Variants in OSBPL10 observed in about 807,000 individuals in gnomAD.
OSBPL10 encodes oxysterol binding protein like 10.
In OSBPL10, 49 loss-of-function variants were observed where a neutral mutation model predicts 81.7. That is an observed-to-expected ratio of 0.60 (90% confidence interval 0.48 to 0.76). OSBPL10 has a LOEUF of 0.76. Ranked by LOEUF, OSBPL10 falls within the 30% of genes least tolerant of loss-of-function variation. The pLI, the probability that OSBPL10 is intolerant of heterozygous loss-of-function variation, is 0.00. For synonymous variants in OSBPL10, 419 were observed against 383.6 expected, an observed-to-expected ratio of 1.09 and a Z score of -1.08; for missense variants, 923 against 987.8, an observed-to-expected ratio of 0.93 and a Z score of 0.88.
intron 4 of OSBPL10, among the ~76,000 whole-genome samples, chr3:31,828,759 C>T (rs1171219821): frequency 6.6e-6 from 1 of 152,210 alleles, no homozygotes; most frequent in Non-Finnish European, 1.5e-5. Context: ...TCTCGAACTC[C>T]TGACCTCAAG....
intron 7 of OSBPL10, among the ~76,000 whole-genome samples, chr3:31,698,196 T>C (rs1254936076): frequency 6.6e-6 from 1 of 151,884 alleles, no homozygotes; most frequent in Non-Finnish European, 1.5e-5. Flanking sequence ...ACGTCTGTAA[T>C]ACCAGCACTT....
At chr3:31,989,933 C>G (rs1485898206) in intron 2 of OSBPL10, 6 of 1,614,002 alleles carry the variant, frequency 3.7e-6, no homozygotes, top group Non-Finnish European at 5.1e-6. Context: ...GGTGAGAAAC[C>G]TTACAAGTGT....
chr3:31,684,039 G>C lies in OSBPL10; in HGVS notation c.1321C>G (p.Leu441Val), dbSNP rs1456241183. The change falls in exon 8 of 12, where the codon CTA (leucine) becomes GTA (valine). Residue 441 changes from leucine (L) to valine (V), a missense_variant. Physicochemically the swap from Leu to Val is conservative, Grantham distance 32 (BLOSUM62 1). This residue lies in a region of OSBPL10 where 387 missense variants were observed against 436.3 expected (regional missense o/e 0.89). Transcript: ENST00000396556. ...MYADFMAHPDLLLAITAGATP... is the reference protein window; with the variant it reads ...MYADFMAHPDVLLAITAGATP... ...GCCCCAGCGGTGATGGCCAGCAGTA[G>C]GTCTGGGTGCGCCATGAAATCTGCA... 2.5e-6 allele frequency: 4 copies of C among 1,614,102 alleles called. No individual in the cohort carries two copies. Among genetic ancestry groups the C allele is most frequent in the Non-Finnish European group, 3.4e-6 (4 of 1,180,046 alleles).
intron 6 of OSBPL10, chr3:31,704,745 C>G (rs1459183051): frequency 2.6e-5 from 4 of 152,108 alleles, no homozygotes; most frequent in African/African-American, 9.7e-5. Context: ...AGGGGAAATC[C>G]TCATCTTTCC....
intron 4 of OSBPL10, among the ~76,000 whole-genome samples, chr3:31,776,177 T>C (rs947408156): frequency 6.6e-6 from 1 of 151,916 alleles, no homozygotes; most frequent in Non-Finnish European, 1.5e-5. Context: ...ATTAATTACA[T>C]ATAAAAGTCA....
At chr3:31,879,450 C>T in intron 2 of OSBPL10, 1 of 550,662 alleles carries the variant, frequency 1.8e-6, no homozygotes, top group South Asian at 2.6e-5. Context: ...TCCTTAATTC[C>T]TCAGTTAATT....
intron 5 of OSBPL10, among the ~76,000 whole-genome samples, chr3:31,743,017 G>A (rs1039811038): frequency 2.0e-4 from 29 of 144,490 alleles, no homozygotes; most frequent in African/African-American, 5.9e-4. Flanking sequence ...AGTCTTGACC[G>A]AAAAGCTAAA....
intron 6 of OSBPL10, among the ~76,000 whole-genome samples, chr3:31,711,314 C>T (rs1033525643): frequency 1.3e-5 from 2 of 151,994 alleles, no homozygotes; most frequent in East Asian, 1.9e-4. Context: ...TGGAGGTGGA[C>T]GTAGAGGCCA....
chr3:31,716,427 C>T (rs1559430740), intron 6 of OSBPL10, among the ~76,000 whole-genome samples: 2 of 152,182 alleles, frequency 1.3e-5, no homozygotes, highest in African/African-American at 2.4e-5. Flanking sequence ...TGAACAGCAA[C>T]TCCCTTGCTC....
chr3:31,951,091 T>C (rs114970811), intron 1 of OSBPL10, among the ~76,000 whole-genome samples: 1 of 152,300 alleles, frequency 6.6e-6, no homozygotes, highest in African/African-American at 2.4e-5. Flanking sequence ...GGGAGATACA[T>C]ACTAACTTAC....
At chr3:31,847,976 G>A (rs1225062656) in intron 3 of OSBPL10, among the ~76,000 whole-genome samples, 1 of 152,092 alleles carries the variant, frequency 6.6e-6, no homozygotes, top group Non-Finnish European at 1.5e-5. Context: ...CTGAAGGAGT[G>A]AAGCACGCCA....
chr3:31,775,963 A>G (rs938071781), intron 4 of OSBPL10, among the ~76,000 whole-genome samples: 1 of 152,136 alleles, frequency 6.6e-6, no homozygotes, highest in Non-Finnish European at 1.5e-5. Flanking sequence ...GAGCACAATG[A>G]AAGGGTCTCA....
chr3:31,672,372 GC>G (rs1700344659), intron 8 of OSBPL10, among the ~76,000 whole-genome samples: 2 of 95,830 alleles, frequency 2.1e-5, no homozygotes, highest in African/African-American at 4.0e-5. Flanking sequence ...GGGGGGGGGG[GC>G]AGGAGGGAGG....
rs3792540 is a variant in OSBPL10 at position 31,726,639 on chromosome 3, C to T, written c.1095+6618G>A. ...TCAGAAAGTATCTTGAGAAGAGCTC[C>T]CATCCTTTCTTTTAAAGGATATGTC... On this transcript the variant is annotated intron_variant, in intron 6 of 11. Transcript: ENST00000396556. 3.1e-4 allele frequency among the ~76,000 whole-genome samples: 47 copies of T among 152,146 alleles called. No individual in the cohort carries two copies. The East Asian group carries it at 5.4e-3, about 18-fold the overall frequency.
chr3:31,877,946 G>A (rs1409852081), intron 2 of OSBPL10, among the ~76,000 whole-genome samples: 3 of 152,262 alleles, frequency 2.0e-5, no homozygotes, highest in African/African-American at 2.4e-5. Flanking sequence ...AAAGCTGTGC[G>A]TCTCATGATA....
chr3:31,890,591 A>G (rs917028738), intron 1 of OSBPL10, among the ~76,000 whole-genome samples: 2 of 152,104 alleles, frequency 1.3e-5, no homozygotes, highest in Non-Finnish European at 2.9e-5. Context: ...AGTCAAAGTG[A>G]ACTTTTAACT....
At position 31,762,630 on chromosome 3, in the gene OSBPL10, ATTTTTT is replaced by A. The variant is rs56311731; in HGVS notation, c.730-14516_730-14511del. On this transcript the variant is annotated intron_variant, in intron 4 of 11. Transcript: ENST00000396556. ...GCCTATGCACAACACCATGCCCAGC[ATTTTTT>A]TTTTTTTTTTTTTGTAGAGATGGGG... 5.1e-3 allele frequency among the ~76,000 whole-genome samples: 314 copies of A among 61,488 alleles called. 8 individuals carry two copies. Among genetic ancestry groups the A allele is most frequent in the African/African-American group, 0.023 (288 of 12,526 alleles). The allele number at this position is 61,488 out of a possible 152,430, so 40.3% of individuals were successfully genotyped here.
At chr3:31,908,009 C>G (rs899476222) in intron 1 of OSBPL10, among the ~76,000 whole-genome samples, 1 of 152,092 alleles carries the variant, frequency 6.6e-6, no homozygotes, top group African/African-American at 2.4e-5. Context: ...TCAGGGAAGG[C>G]CTGTCTGTAA....
chr3:31,874,023 T>C (rs1701392408), intron 3 of OSBPL10, among the ~76,000 whole-genome samples: 1 of 152,180 alleles, frequency 6.6e-6, no homozygotes, highest in African/African-American at 2.4e-5. Context: ...TTTATTTTGA[T>C]TCTAATATTA....
Sources: gnomAD v4.1 joint callset for allele counts (sites outside exome capture counted in the v4.1 genomes callset) on GRCh38, gnomAD v4.1.1 for gene constraint, gnomAD v4.1.1 regional missense constraint, MANE v1.5 for transcripts, NCBI Gene and HGNC (gene_info 2026-07-23, HGNC 2026-07-21) for gene names.